The following BDP1 variants were observed in gnomAD, a reference collection of about 807,000 sequenced individuals.
BDP1 encodes the protein BDP1 general transcription factor IIIB subunit.
A neutral mutation model predicts 266.6 loss-of-function variants in BDP1; 169 were observed. The ratio of observed to expected loss-of-function variants is 0.63; its 90% CI spans 0.56 to 0.72. The LOEUF (loss-of-function observed/expected upper bound fraction) is 0.72. Ranked by LOEUF, BDP1 falls within the 30% of genes least tolerant of loss-of-function variation. The pLI is 0.00. For synonymous variants in BDP1, 1,090 were observed against 1,022.4 expected, an observed-to-expected ratio of 1.07 and a Z score of -1.26; for missense variants, 3,015 against 3,053.8, an observed-to-expected ratio of 0.99 and a Z score of 0.30.
chr5:71,510,190 A>C lies in BDP1; in HGVS notation c.3098A>C (p.Glu1033Ala). 6.2e-7 allele frequency: 1 copy of C among 1,614,036 alleles called. No homozygotes were observed. The highest frequency in any genetic ancestry group is 8.5e-7 in the Non-Finnish European group (1 of 1,179,990). Residue 1033 changes from glutamate (E) to alanine (A), a missense_variant, in exon 17 of 39, where the codon GAG (glutamate) becomes GCG (alanine). This residue lies in a region of BDP1 where 2,383 missense variants were observed against 2,404.9 expected (regional missense o/e 0.99). Coordinates refer to ENST00000358731, the MANE Select transcript of BDP1 (RefSeq NM_018429.3). ...EKTPEVIDAT[E>A]EIDLEETERE... is the part of the protein sequence containing the mutation. ...ACACCAGAGGTGATTGATGCTACTGAGGAAATAGATTTGGAAGAAACTGAA... is the reference window on the plus strand; with the variant it reads ...ACACCAGAGGTGATTGATGCTACTGCGGAAATAGATTTGGAAGAAACTGAA...
chr5:71,503,903 C>A (rs958784286), intron 15 of BDP1, among the ~76,000 whole-genome samples: 3 of 150,842 alleles, frequency 2.0e-5, no homozygotes, highest in African/African-American at 7.3e-5. Flanking sequence ...CCCAGGAGTT[C>A]AAGCCTCCAG....
intron 35 of BDP1, among the ~76,000 whole-genome samples, chr5:71,556,460 A>G (rs921025208): frequency 5.9e-5 from 9 of 152,104 alleles, no homozygotes; most frequent in African/African-American, 1.9e-4. Context: ...GTTCCATTTT[A>G]TAAGTTTTTT....
chr5:71,573,196 C>A, the BDP1 span, among the ~76,000 whole-genome samples: 1 of 151,016 alleles, frequency 6.6e-6, no homozygotes, highest in Non-Finnish European at 1.5e-5. Flanking sequence ...CCACCGCACT[C>A]CAGCCTGGGT....
intron 32 of BDP1, among the ~76,000 whole-genome samples, chr5:71,545,946 G>T (rs1742272536): frequency 6.6e-6 from 1 of 152,046 alleles, no homozygotes; most frequent in Admixed American, 6.6e-5. Context: ...GCTGCAGTGA[G>T]CTGTGGTCGC....
chr5:71,548,652 T>A, intron 32 of BDP1, 30 bp from the exon 33 acceptor site: 11 of 1,480,096 alleles, frequency 7.4e-6, no homozygotes, highest in Non-Finnish European at 1.0e-5. Context: ...TTGGCCAACC[T>A]GACTCTTTCA....
intron 16 of BDP1, among the ~76,000 whole-genome samples, chr5:71,509,210 C>T (rs1197298283): frequency 6.6e-6 from 1 of 152,076 alleles, no homozygotes; most frequent in Non-Finnish European, 1.5e-5. Flanking sequence ...TGGAAAGACA[C>T]TGTTAGGATC....
chr5:71,561,004 A>T (rs1358364354), intron 37 of BDP1, among the ~76,000 whole-genome samples: 1 of 152,204 alleles, frequency 6.6e-6, no homozygotes, highest in South Asian at 2.1e-4. Flanking sequence ...CCAGCTACTC[A>T]GGAGGCTGAG....
intron 16 of BDP1, among the ~76,000 whole-genome samples, 164 bp downstream of exon 16, chr5:71,504,915 A>G (rs1018292876): frequency 6.6e-6 from 1 of 152,220 alleles, no homozygotes; most frequent in African/African-American, 2.4e-5. Flanking sequence ...TTTATGTTGT[A>G]GCCTTTATGT....
chr5:71,523,439 G>A (rs545125454), intron 24 of BDP1, among the ~76,000 whole-genome samples: 1 of 152,044 alleles, frequency 6.6e-6, no homozygotes, highest in East Asian at 1.9e-4. Flanking sequence ...TCATCCTCCC[G>A]AGTAGCTGGG....
intron 25 of BDP1, among the ~76,000 whole-genome samples, chr5:71,525,641 AC>A (rs1277617461): frequency 9.6e-5 from 8 of 83,746 alleles, no homozygotes; most frequent in East Asian, 3.8e-4. Flanking sequence ...CGGGGGGCTG[AC>A]CCCCCCACCT....
Position 71,511,059 on chromosome 5 carries a change from CTA to C in BDP1, c.3968_3969del (p.Leu1323ArgfsTer10). 6.2e-7 allele frequency: 1 copy of C among 1,614,124 alleles called. No homozygotes were observed. Among genetic ancestry groups the C allele is most frequent in the Non-Finnish European group, 8.5e-7 (1 of 1,180,024 alleles). On this transcript the variant is annotated frameshift_variant, in exon 17 of 39. Transcript: ENST00000358731. LOFTEE classifies it high-confidence loss of function. Reference sequence around the variant, plus strand: ...AGACATTTCTCCAAGGGAAAACGAGCTAGAGGAGACCAGTACCTCAAGACAAA... The same window carrying C: ...AGACATTTCTCCAAGGGAAAACGAGCGAGGAGACCAGTACCTCAAGACAAA... ...KTDISPRENELEETSTSRQTD... is the reference protein window; with the variant it reads ...KTDISPRENEXEETSTSRQTD...
intron 19 of BDP1, 25 bp downstream of exon 19, chr5:71,513,432 C>A (rs1486148513): frequency 2.3e-5 from 30 of 1,290,446 alleles, no homozygotes; most frequent in Non-Finnish European, 3.1e-5. Flanking sequence ...GATGGAAGTT[C>A]TGTGTGGGTG....
intron 36 of BDP1, among the ~76,000 whole-genome samples, chr5:71,557,491 TCTC>T (rs1419454607): frequency 6.9e-6 from 1 of 145,596 alleles, no homozygotes; most frequent in Non-Finnish European, 1.5e-5. Flanking sequence ...CTCACACCAT[TCTC>T]CTGCCTCAGC....
intron 26 of BDP1, 118 bp downstream of exon 26, chr5:71,532,545 T>A: frequency 2.0e-6 from 2 of 975,782 alleles, no homozygotes; most frequent in Non-Finnish European, 1.5e-6. Flanking sequence ...TTTCTCTTTG[T>A]AAGGAGCTGT....
rs199642279 is a variant in BDP1, at chr5:71,470,368, A to G, written c.920-27A>G. ...GAAATATTGATATAATTAATTTTCAATCATTCTAAATCTTTTATTTTCACA... is the reference window on the plus strand; with the variant it reads ...GAAATATTGATATAATTAATTTTCAGTCATTCTAAATCTTTTATTTTCACA... On this transcript the variant is annotated intron_variant, in intron 6 of 38. Coordinates refer to ENST00000358731, the MANE Select transcript of BDP1 (RefSeq NM_018429.3). 9.2e-4 allele frequency: 1,324 copies of G among 1,437,190 alleles called. 1 individual carries two copies. The highest frequency in any genetic ancestry group is 1.2e-3 in the Non-Finnish European group (1,222 of 1,030,548). 89.0% of individuals were successfully genotyped at this position (1,437,190 alleles called of 1,614,324 possible). A position where few individuals can be genotyped will look rare whatever the true frequency, so the allele number is the denominator to read the frequency against.
At chr5:71,533,351 A>C (rs1766370703) in intron 26 of BDP1, among the ~76,000 whole-genome samples, 1 of 152,184 alleles carries the variant, frequency 6.6e-6, no homozygotes, top group Non-Finnish European at 1.5e-5. Context: ...AGGAACTGCC[A>C]AACTGTTTTC....
chr5:71,527,205 G>A (rs1344820958), intron 25 of BDP1, among the ~76,000 whole-genome samples: 1 of 152,174 alleles, frequency 6.6e-6, no homozygotes, highest in Non-Finnish European at 1.5e-5. Context: ...ACAGGCACGA[G>A]CTACTGCGTT....
At chr5:71,523,853 CTGG>C in intron 24 of BDP1, 83 bp from the exon 25 acceptor site, 2 of 1,315,890 alleles carry the variant, frequency 1.5e-6, no homozygotes, top group Non-Finnish European at 2.1e-6. Context: ...ATGACTGGAA[CTGG>C]AATTTCACTC....
At chr5:71,527,218 T>C (rs1274030681) in intron 25 of BDP1, among the ~76,000 whole-genome samples, 2 of 152,082 alleles carry the variant, frequency 1.3e-5, no homozygotes, top group African/African-American at 4.8e-5. Context: ...ACTGCGTTCT[T>C]TTTTAAGATG....
Sources: gnomAD v4.1 joint callset for allele counts (sites outside exome capture counted in the v4.1 genomes callset) on GRCh38, gnomAD v4.1.1 for gene constraint, gnomAD v4.1.1 regional missense constraint, MANE v1.5 for transcripts, NCBI Gene and HGNC (gene_info 2026-07-23, HGNC 2026-07-21) for gene names.